Variants in PRKCQ observed in about 807,000 individuals in gnomAD.
PRKCQ encodes the protein protein kinase C theta.
In PRKCQ, 41 loss-of-function variants were observed where a neutral mutation model predicts 91.2. The ratio of observed to expected loss-of-function variants is 0.45; its 90% CI spans 0.35 to 0.58. The LOEUF is 0.58. Ranked by LOEUF, PRKCQ falls within the 20% of genes least tolerant of loss-of-function variation. The probability of loss-of-function intolerance (pLI) is 0.00; values close to 1 mark genes in which losing one functional copy is unlikely to be tolerated. For synonymous variants in PRKCQ, 307 were observed against 316.9 expected (o/e 0.97, Z 0.33); for missense variants, 673 against 896.5 (o/e 0.75, Z 3.18).
chr10:6,437,626 C>T (rs186982952), intron 16 of PRKCQ, among the ~76,000 whole-genome samples: 1 of 152,146 alleles, frequency 6.6e-6, no homozygotes, highest in African/African-American at 2.4e-5. Flanking sequence ...AACTTTATAT[C>T]CAGATCCCAC....
Position 6,430,705 on chromosome 10 carries a change from T to C in PRKCQ, c.1965+105A>G, listed in dbSNP as rs1833366065. 21 of 1,471,358 alleles carry C rather than the reference T, an allele frequency of 1.4e-5. No individual in the cohort carries two copies. Among genetic ancestry groups the C allele is most frequent in the South Asian group, 3.9e-5 (3 of 76,742 alleles). 91.1% of individuals were successfully genotyped at this position (1,471,358 alleles called of 1,614,324 possible). ...CCTGGAGAGTGGGGCTGGTGGGGAG[T>C]TGGGGCACCGGCAGGGGTGAGCAGC... On this transcript the variant is annotated intron_variant, in intron 17 of 17. Transcript: ENST00000263125. The surrounding 1 kb of genome is among the most constrained non-coding windows in gnomAD (Gnocchi z 4.7).
chr10:6,428,175 C>T lies in PRKCQ; in HGVS notation c.*32G>A, dbSNP rs750563379. On this transcript the variant is annotated 3_prime_UTR_variant, in exon 18 of 18. Coordinates refer to ENST00000263125, the MANE Select transcript of PRKCQ (RefSeq NM_006257.5). ...CTTGAACCAGTTCCCAGGGAGAAGG[C>T]AAATTCTTTCCTGTCTCTGGAGGGG... The T allele has an allele frequency of 1.2e-6, 2 of 1,613,748 alleles. No individual in the cohort carries two copies. The highest frequency in any genetic ancestry group is 1.7e-6 in the Non-Finnish European group (2 of 1,179,920).
At chr10:6,396,186 C>T in the PRKCQ span, among the ~76,000 whole-genome samples, 16 of 152,172 alleles carry the variant, frequency 1.1e-4, no homozygotes, top group African/African-American at 3.6e-4. Flanking sequence ...TTTAATTCCC[C>T]TTGCCATTTG....
chr10:6,472,787 A>C (rs536150880), intron 12 of PRKCQ, among the ~76,000 whole-genome samples: 23 of 152,100 alleles, frequency 1.5e-4, no homozygotes, highest in Non-Finnish European at 2.8e-4. Context: ...GTCTCAGCTC[A>C]CTGCAACCTC....
chr10:6,412,230 A>G, the PRKCQ span, among the ~76,000 whole-genome samples: 3 of 152,160 alleles, frequency 2.0e-5, no homozygotes, highest in Non-Finnish European at 4.4e-5. Flanking sequence ...TGACTTTTAA[A>G]TGTGATGGAT....
chr10:6,534,772 ATC>A lies in PRKCQ; in HGVS notation c.-9-19630_-9-19629del, dbSNP rs200169532. ...ACTTAAAAGTTAAATAGAAACATAT[ATC>A]TATATATATATATATATAGATATAT... On this transcript the variant is annotated intron_variant, in intron 1 of 17. Coordinates refer to ENST00000263125, the MANE Select transcript of PRKCQ (RefSeq NM_006257.5). Among the ~76,000 whole-genome samples, 390 of 49,918 alleles carry A rather than the reference ATC, an allele frequency of 7.8e-3. 1 individual carries two copies. Among genetic ancestry groups the A allele is most frequent in the African/African-American group, 0.018 (376 of 21,378 alleles). The allele number at this position is 49,918 out of a possible 152,430, so 32.7% of individuals were successfully genotyped here. A position where few individuals can be genotyped will look rare whatever the true frequency, so the allele number is the denominator to read the frequency against.
Position 6,515,077 on chromosome 10 carries a change from C to T in PRKCQ, c.59G>A (p.Cys20Tyr). ...GTAAGGGTTAACAGCCTCGCCCTGA[C>T]AAGACTGGCAGGACCCGCAGTCAAA... Reference protein sequence around the residue: ...SNFDCGSCQSCQGEAVNPYCA... With the variant: ...SNFDCGSCQSYQGEAVNPYCA... Residue 20 changes from cysteine (C) to tyrosine (Y), a missense_variant, in exon 2 of 18, where the codon TGT becomes TAT. By Grantham distance (194) the Cys-to-Tyr change is radical. Coordinates refer to ENST00000263125, the MANE Select transcript of PRKCQ (RefSeq NM_006257.5). 1 of 1,613,918 alleles carries T rather than the reference C, an allele frequency of 6.2e-7. No homozygotes were observed. The highest frequency in any genetic ancestry group is 8.5e-7 in the Non-Finnish European group (1 of 1,179,962).
intron 1 of PRKCQ, among the ~76,000 whole-genome samples, chr10:6,565,288 T>A (rs1385445116): frequency 2.0e-5 from 3 of 152,228 alleles, no homozygotes; most frequent in Non-Finnish European, 4.4e-5. Flanking sequence ...ATATCTATAG[T>A]ATTTTCCTGG....
the PRKCQ span, among the ~76,000 whole-genome samples, chr10:6,413,659 G>A: frequency 7.2e-3 from 559 of 77,694 alleles, 84 homozygotes; most frequent in Middle Eastern, 0.019. Context: ...ACACTAGGAA[G>A]CACTGGATTA....
rs1834575545 is a variant in PRKCQ, at chr10:6,450,207, C to A, written c.1647+6467G>T. Reference sequence around the variant, plus strand: ...GAAACCCATCTCATGTGCAGAGACACACATAGGCTCAAAATAAAAGGATGG... The same window carrying A: ...GAAACCCATCTCATGTGCAGAGACAAACATAGGCTCAAAATAAAAGGATGG... On this transcript the variant is annotated intron_variant, in intron 15 of 17. Coordinates refer to ENST00000263125, the MANE Select transcript of PRKCQ (RefSeq NM_006257.5). Among the ~76,000 whole-genome samples the A allele has an allele frequency of 2.0e-5, 3 of 150,062 alleles. No homozygotes were observed. In the South Asian group the frequency reaches 6.5e-4, roughly 32 times the overall value.
intron 1 of PRKCQ, among the ~76,000 whole-genome samples, chr10:6,548,069 G>A (rs1840032741): frequency 6.6e-6 from 1 of 152,104 alleles, no homozygotes; most frequent in African/African-American, 2.4e-5. Flanking sequence ...AAAAGTGGGT[G>A]AAGGATATGA....
In PRKCQ at chr10:6,479,014, A is replaced by G. The variant is rs1836429289; in HGVS notation, c.1331T>C (p.Met444Thr). The part of the protein sequence containing the change: ...LAWEHPFLTH[M>T]FCTFQTKENL... ...TACCTTGGTCTGGAATGTACAAAAC[A>G]TGTGCGTCAGAAACGGATGCTCCCA... The change falls in exon 12 of 18, where the codon ATG becomes ACG. Residue 444 changes from methionine to threonine, a missense_variant. Transcript: ENST00000263125. 3 of 1,614,190 alleles carry G rather than the reference A, an allele frequency of 1.9e-6. No homozygotes were observed. The highest frequency in any genetic ancestry group is 2.5e-6 in the Non-Finnish European group (3 of 1,180,028).
chr10:6,526,631 T>C (rs1839207914), intron 1 of PRKCQ, among the ~76,000 whole-genome samples: 1 of 152,054 alleles, frequency 6.6e-6, no homozygotes, highest in South Asian at 2.1e-4. Flanking sequence ...AGGTCGGAGC[T>C]GCCAAGCACG....
At chr10:6,459,981 G>A (rs1387519190) in intron 14 of PRKCQ, among the ~76,000 whole-genome samples, 2 of 152,140 alleles carry the variant, frequency 1.3e-5, no homozygotes, top group Non-Finnish European at 2.9e-5. Context: ...TAAAAGTTTA[G>A]GTGAGTCAAA....
intron 7 of PRKCQ, among the ~76,000 whole-genome samples, chr10:6,494,788 T>C (rs1261543522): frequency 6.6e-6 from 1 of 152,216 alleles, no homozygotes; most frequent in Non-Finnish European, 1.5e-5. Flanking sequence ...AAAATCTACC[T>C]ATATGATGGT....
intron 12 of PRKCQ, among the ~76,000 whole-genome samples, chr10:6,464,801 T>C (rs1043282073): frequency 6.6e-6 from 1 of 152,236 alleles, no homozygotes; most frequent in Non-Finnish European, 1.5e-5. Flanking sequence ...GACTACTTTT[T>C]AAATGGATTA....
At chr10:6,516,416 T>G (rs1209411233) in intron 1 of PRKCQ, among the ~76,000 whole-genome samples, 3 of 152,232 alleles carry the variant, frequency 2.0e-5, no homozygotes, top group Non-Finnish European at 4.4e-5. Flanking sequence ...GTTCCGTATC[T>G]GTCACGTTGC....
intron 1 of PRKCQ, among the ~76,000 whole-genome samples, chr10:6,557,722 T>C (rs374762197): frequency 5.3e-5 from 8 of 152,230 alleles, no homozygotes; most frequent in African/African-American, 1.9e-4. Flanking sequence ...TTCCAGGTGA[T>C]GTTCCACCAG....
At chr10:6,458,091 T>C (rs971794013) in intron 14 of PRKCQ, among the ~76,000 whole-genome samples, 2 of 152,190 alleles carry the variant, frequency 1.3e-5, no homozygotes, top group Non-Finnish European at 2.9e-5. Context: ...GCCATCGCCA[T>C]GCCTGGCTAA....
Sources: allele counts gnomAD v4.1 joint callset (sites outside exome capture counted in the v4.1 genomes callset), GRCh38; gene constraint gnomAD v4.1.1; non-coding constraint Gnocchi (gnomAD v3.1); transcripts MANE v1.5; gene names NCBI Gene and HGNC (gene_info 2026-07-23, HGNC 2026-07-21).